Variants in PIK3R5 observed in about 807,000 individuals in gnomAD.
PIK3R5 encodes the protein phosphoinositide 3-kinase regulatory subunit 5.
PIK3R5 carries 32 observed loss-of-function variants against 94.9 expected under a neutral mutation model. The ratio of observed to expected loss-of-function variants is 0.34; its 90% CI spans 0.25 to 0.45. The LOEUF (loss-of-function observed/expected upper bound fraction) is 0.45. Among genes scored for constraint, PIK3R5 ranks in the 20% least tolerant of loss-of-function variants. The pLI, the probability that PIK3R5 is intolerant of heterozygous loss-of-function variation, is 1.00. For missense variants in PIK3R5, 853 were observed against 1,144.6 expected (o/e 0.75, Z 3.68); for synonymous variants, 443 against 479.4 (o/e 0.92, Z 0.99).
intron 3 of PIK3R5, among the ~76,000 whole-genome samples, chr17:8,908,510 C>G (rs555153578): frequency 2.1e-5 from 3 of 146,084 alleles, no homozygotes; most frequent in African/African-American, 7.7e-5. Context: ...TTCCAAATCA[C>G]ATGTATTTAA....
chr17:8,888,493 TG>T lies in PIK3R5; in HGVS notation c.1293del (p.Ser432AlafsTer22). On this transcript the variant is annotated frameshift_variant, in exon 10 of 19. Transcript: ENST00000447110. LOFTEE classifies it high-confidence loss of function. This position sits in a 1 kb window ranked among gnomAD's most constrained non-coding sequence, Gnocchi z 7.8. ...GAGTCCCTCCGCAGTACCAGCTGGC[TG>T]GTGCTCTTGAAGAGTTTATAGATCC... is the stretch of plus-strand genomic sequence containing the variant. ...FIRIYKLFKS[T>X]SQLVLRRDSR... 6.2e-7 allele frequency: 1 copy of T among 1,608,244 alleles called. No homozygotes were observed. Among genetic ancestry groups the T allele is most frequent in the Non-Finnish European group, 8.5e-7 (1 of 1,178,118 alleles).
At chr17:8,903,062 C>G (rs1030958928) in intron 5 of PIK3R5, among the ~76,000 whole-genome samples, 1 of 152,066 alleles carries the variant, frequency 6.6e-6, no homozygotes, top group Non-Finnish European at 1.5e-5. Flanking sequence ...TCAGGCTGGT[C>G]TCGAACTCCT....
intron 15 of PIK3R5, among the ~76,000 whole-genome samples, chr17:8,883,164 T>C (rs185118214): frequency 1.5e-3 from 226 of 152,288 alleles, no homozygotes; most frequent in African/African-American, 5.2e-3. Flanking sequence ...GGTCAGGAGT[T>C]CGAGACCAGC....
At chr17:8,940,792 C>G (rs1319013362) in intron 1 of PIK3R5, among the ~76,000 whole-genome samples, 4 of 152,152 alleles carry the variant, frequency 2.6e-5, no homozygotes, top group African/African-American at 9.7e-5. Flanking sequence ...AACTCCTAAC[C>G]TCAGGTGATC....
At chr17:8,950,343 T>C (rs1378959452) in intron 1 of PIK3R5, among the ~76,000 whole-genome samples, 1 of 152,232 alleles carries the variant, frequency 6.6e-6, no homozygotes, top group Non-Finnish European at 1.5e-5. Context: ...ATTTTTTTAA[T>C]TCCAACTTTT....
chr17:8,913,219 G>C (rs551225511), intron 1 of PIK3R5, among the ~76,000 whole-genome samples: 5 of 152,342 alleles, frequency 3.3e-5, no homozygotes, highest in African/African-American at 1.2e-4. Flanking sequence ...GGATGAGGAA[G>C]CCAGGGCAAA....
In PIK3R5 at chr17:8,896,057, CTG is replaced by C. The variant is rs1296093253; in HGVS notation, c.413-2404_413-2403del. The stretch of plus-strand genomic sequence containing the variant: ...TGAGCTGGGAACACATTAGAAAAGA[CTG>C]TGCAATGTGGAGGAGGCTTTGATAA... On this transcript the variant is annotated intron_variant, in intron 5 of 18. Transcript: ENST00000447110. This position sits in a 1 kb window ranked among gnomAD's most constrained non-coding sequence, Gnocchi z 4.0. Among the ~76,000 whole-genome samples the C allele has an allele frequency of 6.6e-6, 1 of 152,174 alleles. No individual in the cohort carries two copies. The highest frequency in any genetic ancestry group is 1.5e-5 in the Non-Finnish European group (1 of 68,040).
Position 8,896,476 on chromosome 17 carries a change from C to T in PIK3R5, c.413-2821G>A, listed in dbSNP as rs1197449088. ...AAACAAAAATCTTGCCTGGGTTGTT[C>T]CTACGTCAGGCTCTAGCAAGTAAGA... On this transcript the variant is annotated intron_variant, in intron 5 of 18. Transcript: ENST00000447110. This position sits in a 1 kb window ranked among gnomAD's most constrained non-coding sequence, Gnocchi z 4.0. 1.3e-5 allele frequency among the ~76,000 whole-genome samples: 2 copies of T among 152,118 alleles called. No homozygotes were observed. The highest frequency in any genetic ancestry group is 2.9e-5 in the Non-Finnish European group (2 of 68,028).
At chr17:8,939,512 A>G (rs1231967775) in intron 1 of PIK3R5, among the ~76,000 whole-genome samples, 1 of 152,236 alleles carries the variant, frequency 6.6e-6, no homozygotes, top group Non-Finnish European at 1.5e-5. Flanking sequence ...AAAGCCCAGC[A>G]GTGAGTCTAA....
At chr17:8,954,533 G>T (rs2091435045) in intron 1 of PIK3R5, among the ~76,000 whole-genome samples, 1 of 152,218 alleles carries the variant, frequency 6.6e-6, no homozygotes, top group Admixed American at 6.5e-5. Flanking sequence ...TTATGCAGAA[G>T]CTGTCACCAG....
chr17:8,895,507 G>A (rs981931909), intron 5 of PIK3R5, among the ~76,000 whole-genome samples: 12 of 152,028 alleles, frequency 7.9e-5, no homozygotes, highest in African/African-American at 2.9e-4. Flanking sequence ...CTGAAGCTTG[G>A]CAACATTTTC....
chr17:8,880,508 C>A lies in PIK3R5; in HGVS notation c.*131G>T, dbSNP rs575643999. On this transcript the variant is annotated 3_prime_UTR_variant, in exon 19 of 19. Transcript: ENST00000447110. ...AAACCCTCTACTCCCAGCCCCTGCTCATTGCAGGACCCACAGTGGGACTAT... is the reference window on the plus strand; with the variant it reads ...AAACCCTCTACTCCCAGCCCCTGCTAATTGCAGGACCCACAGTGGGACTAT... The A allele has an allele frequency of 8.9e-6, 8 of 894,368 alleles. No homozygotes were observed. The Admixed American group carries it at 2.6e-4, about 29-fold the overall frequency. 55.4% of individuals were successfully genotyped at this position (894,368 alleles called of 1,614,324 possible).
chr17:8,938,812 C>T (rs1567665080), intron 1 of PIK3R5, among the ~76,000 whole-genome samples: 1 of 152,166 alleles, frequency 6.6e-6, no homozygotes, highest in Non-Finnish European at 1.5e-5. Flanking sequence ...AATTTTATTT[C>T]TCAAATGCTT....
chr17:8,957,056 C>T (rs2091477517), intron 1 of PIK3R5, among the ~76,000 whole-genome samples: 1 of 152,142 alleles, frequency 6.6e-6, no homozygotes, highest in African/African-American at 2.4e-5. Flanking sequence ...GCTTTGGGAC[C>T]TGTTTATTCA....
In PIK3R5 at chr17:8,909,070, T is replaced by A. The variant is rs775897882; in HGVS notation, c.204+4A>T. The A allele has an allele frequency of 1.9e-6, 3 of 1,586,132 alleles. No homozygotes were observed. The South Asian group carries it at 3.4e-5, about 18-fold the overall frequency. On this transcript the variant is annotated splice_donor_region_variant and intron_variant, in intron 3 of 18. Coordinates refer to ENST00000447110, the MANE Select transcript of PIK3R5 (RefSeq NM_001142633.3). This position sits in a 1 kb window ranked among gnomAD's most constrained non-coding sequence, Gnocchi z 4.3. The stretch of plus-strand genomic sequence containing the variant: ...CTGCCCTTCAATTCCTGACTCCCCC[T>A]CACCTCTCGGGTCTTCTGCAGGATC...
rs1267847053 is a variant in PIK3R5, at chr17:8,890,861, T to C, written c.534A>G (p.Val178=). 1 of 1,613,808 alleles carries C rather than the reference T, an allele frequency of 6.2e-7. No homozygotes were observed. The highest frequency in any genetic ancestry group is 8.5e-7 in the Non-Finnish European group (1 of 1,179,930). The change falls in exon 7 of 19, where the codon GTA becomes GTG. Residue 178 remains valine, a synonymous_variant. Coordinates refer to ENST00000447110, the MANE Select transcript of PIK3R5 (RefSeq NM_001142633.3). This position sits in a 1 kb window ranked among gnomAD's most constrained non-coding sequence, Gnocchi z 6.1. ...GTCCGGGCGTACTCAGCTTATTGGC[T>C]ACAGCAAGGAACTCGGCCTGCACTT... ...PVEVQAEFLA[V]ANKLSTPGHS... is the part of the protein sequence containing the mutation.
chr17:8,942,644 C>T lies in PIK3R5; in HGVS notation c.-14+22952G>A, dbSNP rs1481248494. On this transcript the variant is annotated intron_variant, in intron 1 of 18. Transcript: ENST00000447110. ...TTTTTGAGACAGAGTCTCGCTCTGT[C>T]GCCCAGGCTGGAGTGCAGTGGTGCG... is the stretch of plus-strand genomic sequence containing the variant. 7.9e-5 allele frequency among the ~76,000 whole-genome samples: 12 copies of T among 151,818 alleles called. No homozygotes were observed. In the East Asian group the frequency reaches 1.9e-3, roughly 24 times the overall value.
intron 3 of PIK3R5, 81 bp from the exon 4 acceptor site, chr17:8,905,818 C>A (rs2090383388): frequency 4.1e-4 from 262 of 639,834 alleles, no homozygotes; most frequent in Non-Finnish European, 5.2e-4. Context: ...GGTTCTTCCT[C>A]ATTCTAGCCT....
rs868047302 is a variant in PIK3R5 at position 8,939,569 on chromosome 17, G to A, written c.-14+26027C>T. On this transcript the variant is annotated intron_variant, in intron 1 of 18. Transcript: ENST00000447110. Reference sequence around the variant, plus strand: ...AGTAAAGAGCATGAATGACATTTGAGGTATCTGCAACCTCAAAGTGACACG... The same window carrying A: ...AGTAAAGAGCATGAATGACATTTGAAGTATCTGCAACCTCAAAGTGACACG... Among the ~76,000 whole-genome samples, 5 of 152,188 alleles carry A rather than the reference G, an allele frequency of 3.3e-5. 1 individual carries two copies. The highest frequency in any genetic ancestry group is 1.2e-4 in the African/African-American group (5 of 41,438).
Sources: allele counts gnomAD v4.1 joint callset (sites outside exome capture counted in the v4.1 genomes callset), GRCh38; gene constraint gnomAD v4.1.1; non-coding constraint Gnocchi (gnomAD v3.1); transcripts MANE v1.5; gene names NCBI Gene and HGNC (gene_info 2026-07-23, HGNC 2026-07-21).